ADCY9: variants seen among roughly 807,000 people sequenced by gnomAD.
The protein encoded by ADCY9 is adenylate cyclase 9, also known as adenylate cyclase type 9.
Under a neutral mutation model 101.5 loss-of-function variants are expected in ADCY9, and 50 were observed. That is an observed-to-expected ratio of 0.49 (90% CI 0.39 to 0.62). ADCY9 has a LOEUF of 0.62. Ranked by LOEUF, ADCY9 falls within the 20% of genes least tolerant of loss-of-function variation. ADCY9 has a pLI of 0.00. For synonymous variants in ADCY9, 905 were observed against 769.3 expected (o/e 1.18, Z -2.92); for missense variants, 1,662 against 1,800.4 (o/e 0.92, Z 1.39).
chr16:3,969,714 A>C (rs1466383548), intron 10 of ADCY9, among the ~76,000 whole-genome samples: 2 of 148,142 alleles, frequency 1.4e-5, no homozygotes, highest in African/African-American at 5.0e-5. Context: ...TCCCAGGCTA[A>C]AGCGATCCTC....
At chr16:3,977,756 G>C (rs1362291668) in intron 8 of ADCY9, 126 bp from the exon 9 acceptor site, 1 of 1,237,528 alleles carries the variant, frequency 8.1e-7, no homozygotes, top group East Asian at 2.7e-5. Flanking sequence ...TCACTCTGTC[G>C]CCCAGGCTGG....
intron 2 of ADCY9, among the ~76,000 whole-genome samples, chr16:4,064,689 G>A (rs937158620): frequency 1.1e-4 from 16 of 151,756 alleles, no homozygotes; most frequent in African/African-American, 3.9e-4. Context: ...ATGTTGCCCA[G>A]GCTGGTCTCA....
In ADCY9 at chr16:3,963,052, C is replaced by G. The variant is rs2055950599; in HGVS notation, c.*2723G>C. 1 of 157,858 alleles carries G rather than the reference C, an allele frequency of 6.3e-6. No homozygotes were observed. The highest frequency in any genetic ancestry group is 2.6e-5 in the African/African-American group (1 of 38,896). The allele number at this position is 157,858 out of a possible 1,614,324, so 9.8% of individuals were successfully genotyped here. On this transcript the variant is annotated 3_prime_UTR_variant, in exon 11 of 11. Transcript: ENST00000294016. ...CTATTCGAGGGTTTTGTAACTGATG[C>G]TCTACATTTGTTTGCATTGGATAAA...
At chr16:4,040,148 GT>G (rs1417358480) in intron 2 of ADCY9, among the ~76,000 whole-genome samples, 1 of 152,070 alleles carries the variant, frequency 6.6e-6, no homozygotes, top group Non-Finnish European at 1.5e-5. Context: ...TAAAATTTTG[GT>G]TTCTGAGAAC....
At chr16:3,981,436 G>T (rs1173296951) in intron 7 of ADCY9, among the ~76,000 whole-genome samples, 8 of 152,214 alleles carry the variant, frequency 5.3e-5, no homozygotes, top group Admixed American at 5.2e-4. Context: ...CTGGGGGAGT[G>T]ACTGCCCATG....
chr16:4,098,275 C>CT (rs1166602635), intron 2 of ADCY9, among the ~76,000 whole-genome samples: 1 of 151,582 alleles, frequency 6.6e-6, no homozygotes. Flanking sequence ...GAATCTCACT[C>CT]TGTCACCCAG....
chr16:3,998,072 C>A (rs977121498), intron 3 of ADCY9, among the ~76,000 whole-genome samples: 1 of 151,924 alleles, frequency 6.6e-6, no homozygotes, highest in African/African-American at 2.4e-5. Flanking sequence ...CCAGCCTGGG[C>A]GACAGAGCAA....
intron 2 of ADCY9, among the ~76,000 whole-genome samples, chr16:4,072,994 GAAAAAA>G (rs59730727): frequency 1.6e-4 from 21 of 129,678 alleles, no homozygotes; most frequent in South Asian, 2.4e-4. Flanking sequence ...TATCCTAAAA[GAAAAAA>G]AAAAAAAAAA....
chr16:3,962,095 G>A (rs2055943684), downstream of ADCY9, among the ~76,000 whole-genome samples: 1 of 152,152 alleles, frequency 6.6e-6, no homozygotes, highest in African/African-American at 2.4e-5. Context: ...TCTAACCCCT[G>A]GAAGATCCAT....
rs138992867 is a variant in ADCY9, at chr16:4,057,725, G to A, written c.1694-50167C>T. The stretch of plus-strand genomic sequence containing the variant: ...CTTGTTCATTCTGAATAAGGATGAC[G>A]ACACCAGGAAGCGGAGGCCCGGGGA... On this transcript the variant is annotated intron_variant, in intron 2 of 10. Transcript: ENST00000294016. Among the ~76,000 whole-genome samples, 1,108 of 152,252 alleles carry A rather than the reference G, an allele frequency of 7.3e-3. 21 individuals are homozygous for A. The highest frequency in any genetic ancestry group is 0.025 in the African/African-American group (1,058 of 41,540).
At chr16:4,010,327 G>A (rs1476452436) in intron 2 of ADCY9, among the ~76,000 whole-genome samples, 1 of 152,230 alleles carries the variant, frequency 6.6e-6, no homozygotes, top group East Asian at 1.9e-4. Context: ...GAGAGGCTGA[G>A]CAGGGAGGCC....
At chr16:4,016,162 G>A (rs1216731245) in intron 2 of ADCY9, among the ~76,000 whole-genome samples, 1 of 152,178 alleles carries the variant, frequency 6.6e-6, no homozygotes, top group Non-Finnish European at 1.5e-5. Flanking sequence ...CACAAGAAGA[G>A]AGTCATATGC....
At chr16:4,040,569 A>G (rs1465554670) in intron 2 of ADCY9, among the ~76,000 whole-genome samples, 1 of 150,892 alleles carries the variant, frequency 6.6e-6, no homozygotes. Context: ...CGATCCTCCC[A>G]CTTCGGCCTC....
chr16:4,113,627 C>T, intron 2 of ADCY9, 123 bp downstream of exon 2: 1 of 1,285,120 alleles, frequency 7.8e-7, no homozygotes, highest in Non-Finnish European at 1.1e-6. Flanking sequence ...TGAGATCCCC[C>T]CATGGTAAGG....
intron 2 of ADCY9, among the ~76,000 whole-genome samples, chr16:4,112,114 T>C (rs1453373868): frequency 1.3e-5 from 2 of 152,142 alleles, no homozygotes; most frequent in Admixed American, 1.3e-4. Flanking sequence ...AGGACAGAGC[T>C]CACAACACCT....
chr16:3,983,736 G>GT (rs991392951), intron 6 of ADCY9: 4 of 425,106 alleles, frequency 9.4e-6, no homozygotes, highest in Admixed American at 7.4e-5. Context: ...CCCGGCCAGC[G>GT]TAACACAGTG....
intron 2 of ADCY9, among the ~76,000 whole-genome samples, chr16:4,058,935 G>C (rs966804831): frequency 6.6e-6 from 1 of 152,168 alleles, no homozygotes; most frequent in African/African-American, 2.4e-5. Flanking sequence ...TCAAAAATAT[G>C]ATGATTAAAG....
intron 2 of ADCY9, among the ~76,000 whole-genome samples, chr16:4,023,630 T>C (rs988216876): frequency 6.6e-6 from 1 of 152,158 alleles, no homozygotes; most frequent in Non-Finnish European, 1.5e-5. Flanking sequence ...GGTTTCTGCC[T>C]GGCCAGGTGC....
rs546793034 is a variant in ADCY9, at chr16:4,053,484, C to T, written c.1694-45926G>A. On this transcript the variant is annotated intron_variant, in intron 2 of 10. Coordinates refer to ENST00000294016, the MANE Select transcript of ADCY9 (RefSeq NM_001116.4). ...CAGAGCACTTGCCCTTCCTCTGGAGCGCTTCACGTGCGAGCCCGCCGTCTA... is the reference window on the plus strand; with the variant it reads ...CAGAGCACTTGCCCTTCCTCTGGAGTGCTTCACGTGCGAGCCCGCCGTCTA... Among the ~76,000 whole-genome samples, 11 of 152,294 alleles carry T rather than the reference C, an allele frequency of 7.2e-5. No individual in the cohort carries two copies. In the South Asian group the frequency reaches 1.0e-3, roughly 14 times the overall value.
Sources: allele counts gnomAD v4.1 joint callset (sites outside exome capture counted in the v4.1 genomes callset), GRCh38; gene constraint gnomAD v4.1.1; transcripts MANE v1.5; gene names NCBI Gene and HGNC (gene_info 2026-07-23, HGNC 2026-07-21).